The following CLEC16A variants were observed in gnomAD, a reference collection of about 807,000 sequenced individuals.
CLEC16A encodes the protein C-type lectin domain containing 16A.
CLEC16A carries 51 observed loss-of-function variants against 109.5 expected under a neutral mutation model. The observed-to-expected ratio is 0.47, with a 90% CI of 0.37 to 0.59. The LOEUF is 0.59. CLEC16A is among the 20% of genes least tolerant of loss of function. CLEC16A has a pLI of 0.00. For synonymous variants in CLEC16A, 673 were observed against 564.2 expected, an observed-to-expected ratio of 1.19 and a Z score of -2.73; for missense variants, 1,339 against 1,394.0, an observed-to-expected ratio of 0.96 and a Z score of 0.63.
intron 19 of CLEC16A, among the ~76,000 whole-genome samples, chr16:11,075,780 G>C (rs1376872321): frequency 1.3e-5 from 2 of 152,008 alleles, no homozygotes; most frequent in African/African-American, 2.4e-5. Flanking sequence ...TGCTTGGGAG[G>C]ATGAGATGTC....
At chr16:11,106,276 T>C (rs2051214278) in intron 19 of CLEC16A, among the ~76,000 whole-genome samples, 1 of 152,142 alleles carries the variant, frequency 6.6e-6, no homozygotes, top group Non-Finnish European at 1.5e-5. Flanking sequence ...TCTTATCACG[T>C]ATCTACTTTA....
chr16:11,059,874 G>T (rs2048390674), intron 18 of CLEC16A, among the ~76,000 whole-genome samples: 1 of 152,216 alleles, frequency 6.6e-6, no homozygotes, highest in Admixed American at 6.5e-5. Context: ...GTGGAACTGG[G>T]AATCTGATGT....
chr16:11,173,445 C>G (rs771758077), intron 23 of CLEC16A, among the ~76,000 whole-genome samples: 1 of 152,068 alleles, frequency 6.6e-6, no homozygotes, highest in African/African-American at 2.4e-5. Context: ...AAGCCCCACT[C>G]GGCCACCTGG....
At chr16:11,045,195 A>G (rs2047572791) in intron 16 of CLEC16A, among the ~76,000 whole-genome samples, 1 of 151,738 alleles carries the variant, frequency 6.6e-6, no homozygotes, top group Non-Finnish European at 1.5e-5. Flanking sequence ...AAATACAAAA[A>G]AAATTAGCCT....
chr16:10,956,227 ATAAAT>A (rs1398584935), intron 1 of CLEC16A, among the ~76,000 whole-genome samples: 1 of 152,242 alleles, frequency 6.6e-6, no homozygotes, highest in Admixed American at 6.5e-5. Flanking sequence ...GCAATTTCTA[ATAAAT>A]TAATTAAATG....
Position 10,985,887 on chromosome 16 carries a change from G to A in CLEC16A, c.1071+2896G>A, listed in dbSNP as rs141685587. Among the ~76,000 whole-genome samples the A allele has an allele frequency of 7.8e-3, 1,178 of 150,890 alleles. 15 individuals are homozygous for A. Among genetic ancestry groups the A allele is most frequent in the African/African-American group, 0.027 (1,101 of 41,034 alleles). On this transcript the variant is annotated intron_variant, in intron 10 of 23. Transcript: ENST00000409790. ...CGCCCAGCTAATTTTTGTATTTTTA[G>A]TAGAAATGGGCTTTCACCATGTTGG... is the stretch of plus-strand genomic sequence containing the variant.
At chr16:11,081,773 C>T (rs1300695888) in intron 19 of CLEC16A, among the ~76,000 whole-genome samples, 1 of 152,214 alleles carries the variant, frequency 6.6e-6, no homozygotes, top group Non-Finnish European at 1.5e-5. Flanking sequence ...TAGAGAGTTC[C>T]AGTCATTAAA....
chr16:11,035,307 T>A (rs2046959334), intron 13 of CLEC16A, among the ~76,000 whole-genome samples: 1 of 152,204 alleles, frequency 6.6e-6, no homozygotes, highest in Admixed American at 6.5e-5. Context: ...TACGTATGTT[T>A]CCCCTTCATT....
intron 19 of CLEC16A, among the ~76,000 whole-genome samples, chr16:11,068,496 G>C (rs1358242478): frequency 1.3e-5 from 2 of 152,212 alleles, no homozygotes; most frequent in Non-Finnish European, 2.9e-5. Context: ...AGCTGCTAGA[G>C]TCTCTGCTGA....
intron 23 of CLEC16A, among the ~76,000 whole-genome samples, chr16:11,173,832 G>A (rs2068627120): frequency 6.6e-6 from 1 of 152,206 alleles, no homozygotes. Context: ...AAGACCAGAT[G>A]TTGCGGATGA....
At position 10,957,839 on chromosome 16, in the gene CLEC16A, G is replaced by A. The variant is rs1011740410; in HGVS notation, c.138G>A (p.Leu46=). 8 of 1,613,494 alleles carry A rather than the reference G, an allele frequency of 5.0e-6. No homozygotes were observed. The highest frequency in any genetic ancestry group is 6.8e-6 in the Non-Finnish European group (8 of 1,179,534). The change falls in exon 2 of 24, where the codon CTG becomes CTA. Residue 46 remains leucine, a synonymous_variant. Transcript: ENST00000409790. The stretch of plus-strand genomic sequence containing the variant: ...CAGTCACAGAACAGAACCGGAACCT[G>A]CTAGTGGAGACCATCCGTTCCATCA... ...NTTVTEQNRN[L]LVETIRSITE...
intron 19 of CLEC16A, among the ~76,000 whole-genome samples, chr16:11,096,707 C>G (rs780196330): frequency 6.6e-6 from 1 of 152,184 alleles, no homozygotes; most frequent in Admixed American, 6.5e-5. Flanking sequence ...CCCTGCATCA[C>G]CAAGCTGTGT....
chr16:11,026,468 CT>C (rs2046407639), intron 13 of CLEC16A, among the ~76,000 whole-genome samples: 1 of 152,018 alleles, frequency 6.6e-6, no homozygotes, highest in African/African-American at 2.4e-5. Context: ...CCTTTATTAT[CT>C]TTTTAATGTC....
intron 19 of CLEC16A, among the ~76,000 whole-genome samples, chr16:11,113,118 C>T (rs1390708125): frequency 6.6e-6 from 1 of 152,250 alleles, no homozygotes; most frequent in East Asian, 1.9e-4. Flanking sequence ...GAAACATCCA[C>T]AGCTATGTCC....
rs375456134 is a variant in CLEC16A, at chr16:11,126,560, C to T, written c.2641+414C>T. The T allele has an allele frequency of 4.9e-5, 25 of 512,430 alleles. 1 individual carries two copies. Among genetic ancestry groups the T allele is most frequent in the Middle Eastern group, 5.8e-4 (1 of 1,720 alleles). The allele number at this position is 512,430 out of a possible 1,614,324, so 31.7% of individuals were successfully genotyped here. On this transcript the variant is annotated intron_variant, in intron 22 of 23. Transcript: ENST00000409790. ...AAGAAGTGAGACTTCAAAAGAAGGCCGTGCTGCCCACAGGTCAGCTGTCCA... is the reference window on the plus strand; with the variant it reads ...AAGAAGTGAGACTTCAAAAGAAGGCTGTGCTGCCCACAGGTCAGCTGTCCA...
At chr16:11,074,692 A>G (rs1386886519) in intron 19 of CLEC16A, among the ~76,000 whole-genome samples, 1 of 152,192 alleles carries the variant, frequency 6.6e-6, no homozygotes, top group Non-Finnish European at 1.5e-5. Context: ...AAGGTCACCT[A>G]ATGACTGTGC....
chr16:11,096,505 T>C (rs901461058), intron 19 of CLEC16A, among the ~76,000 whole-genome samples: 1 of 152,140 alleles, frequency 6.6e-6, no homozygotes, highest in Non-Finnish European at 1.5e-5. Context: ...TTTTCTAAAT[T>C]TATTTCCTGA....
In CLEC16A at chr16:11,060,164, C is replaced by T. The variant is rs76885816; in HGVS notation, c.1996-738C>T. The stretch of plus-strand genomic sequence containing the variant: ...GACACCACTTCTATGGGCCAGGAAT[C>T]CCTGTGCTGGTGGATCCACCTGTGC... On this transcript the variant is annotated intron_variant, in intron 18 of 23. Transcript: ENST00000409790. 3.7e-3 allele frequency among the ~76,000 whole-genome samples: 567 copies of T among 152,322 alleles called. 3 individuals are homozygous for T. Among genetic ancestry groups the T allele is most frequent in the Non-Finnish European group, 6.5e-3 (444 of 68,018 alleles).
At chr16:11,156,294 C>A (rs990231193) in intron 22 of CLEC16A, among the ~76,000 whole-genome samples, 21 of 145,732 alleles carry the variant, frequency 1.4e-4, no homozygotes, top group African/African-American at 5.4e-4. Flanking sequence ...CACTTGAATG[C>A]GGGAGGCAGA....
Sources: gnomAD v4.1 joint callset for allele counts (sites outside exome capture counted in the v4.1 genomes callset) on GRCh38, gnomAD v4.1.1 for gene constraint, MANE v1.5 for transcripts, NCBI Gene and HGNC (gene_info 2026-07-23, HGNC 2026-07-21) for gene names.